The following PKNOX1 variants were observed in gnomAD, a reference collection of about 807,000 sequenced individuals.
The protein encoded by PKNOX1 is PBX/knotted 1 homeobox 1.
Under a neutral mutation model 51.9 loss-of-function variants are expected in PKNOX1, and 15 were observed. The ratio of observed to expected loss-of-function variants is 0.29; its 90% CI spans 0.19 to 0.45. The LOEUF (loss-of-function observed/expected upper bound fraction) is 0.45. PKNOX1 is among the 20% of genes least tolerant of loss of function. The pLI is 1.00. For missense variants in PKNOX1, 462 were observed against 547.5 expected (o/e 0.84, Z 1.56); for synonymous variants, 219 against 211.1 (o/e 1.04, Z -0.32).
chr21:43,013,156 T>C lies in PKNOX1; in HGVS notation c.440T>C (p.Ile147Thr), dbSNP rs746411912. ...TGCAAAGATTTCTGCAGTCGATACA[T>C]TGCTTGTCTGAAAACAAAAATGAAC... ...ELCKDFCSRY[I>T]ACLKTKMNSE... is the part of the protein sequence containing the mutation. Residue 147 changes from isoleucine (I) to threonine (T), a missense_variant, in exon 5 of 11, where the codon ATT becomes ACT. Physicochemically the swap from Ile to Thr is moderately conservative, Grantham distance 89 (BLOSUM62 -1). Transcript: ENST00000291547. 4 of 1,614,042 alleles carry C rather than the reference T, an allele frequency of 2.5e-6. No homozygotes were observed. Among genetic ancestry groups the C allele is most frequent in the South Asian group, 1.1e-5 (1 of 91,074 alleles).
chr21:42,980,895 A>G (rs2059022373), intron 1 of PKNOX1, among the ~76,000 whole-genome samples: 2 of 152,328 alleles, frequency 1.3e-5, no homozygotes, highest in Middle Eastern at 3.4e-3. Context: ...TTTATCATTC[A>G]TGTTCACAAA....
chr21:43,005,538 T>G (rs1978949867), intron 2 of PKNOX1, among the ~76,000 whole-genome samples: 1 of 152,122 alleles, frequency 6.6e-6, no homozygotes, highest in South Asian at 2.1e-4. Flanking sequence ...AATTGACTTT[T>G]TTTTTTTTTT....
Position 43,010,195 on chromosome 21 carries a change from T to G in PKNOX1, c.322T>G (p.Phe108Val). Reference protein sequence around the residue: ...RKQEKEGKPFFCEDPETDNLM... With the variant: ...RKQEKEGKPFVCEDPETDNLM... ...GCAAGAGAAGGAAGGGAAACCTTTC[T>G]TTTGTGAAGATCCAGAAACTGATAA... The change falls in exon 4 of 11, where the codon TTT (phenylalanine) becomes GTT (valine). Residue 108 changes from phenylalanine (F) to valine (V), a missense_variant. Physicochemically the swap from Phe to Val is conservative, Grantham distance 50. Coordinates refer to ENST00000291547, the MANE Select transcript of PKNOX1 (RefSeq NM_004571.5). The G allele has an allele frequency of 6.3e-7, 1 of 1,583,074 alleles. No individual in the cohort carries two copies. Among genetic ancestry groups the G allele is most frequent in the Non-Finnish European group, 8.6e-7 (1 of 1,164,494 alleles).
intron 1 of PKNOX1, among the ~76,000 whole-genome samples, chr21:42,976,787 A>T (rs1304313434): frequency 1.3e-5 from 2 of 152,222 alleles, no homozygotes; most frequent in Non-Finnish European, 2.9e-5. Flanking sequence ...AACTCCTGTT[A>T]ATGTTATTTG....
At position 43,013,122 on chromosome 21, in the gene PKNOX1, A is replaced by G. The variant is rs758647417; in HGVS notation, c.406A>G (p.Asn136Asp). 6 of 1,613,938 alleles carry G rather than the reference A, an allele frequency of 3.7e-6. No individual in the cohort carries two copies. The Admixed American group carries it at 8.3e-5, about 22-fold the overall frequency. Residue 136 changes from asparagine (N) to aspartate (D), a missense_variant, in exon 5 of 11, where the codon AAC becomes GAC. Around this residue, in one of 5 missense-constraint regions of PKNOX1, gnomAD observed 14 missense variants for 39.3 expected, o/e 0.36. Coordinates refer to ENST00000291547, the MANE Select transcript of PKNOX1 (RefSeq NM_004571.5). Reference protein sequence around the residue: ...RIHLLELEKVNELCKDFCSRY... With the variant: ...RIHLLELEKVDELCKDFCSRY... ...TCATCTTCTTGAGCTGGAAAAGGTT[A>G]ACGAACTCTGCAAAGATTTCTGCAG...
intron 2 of PKNOX1, among the ~76,000 whole-genome samples, 199 bp downstream of exon 2, chr21:43,004,631 G>A (rs1411362647): frequency 6.6e-6 from 1 of 152,156 alleles, no homozygotes; most frequent in Non-Finnish European, 1.5e-5. Context: ...AAGATTGCCA[G>A]GAATCTTGAC....
chr21:43,006,326 A>T (rs1978985579), intron 2 of PKNOX1, among the ~76,000 whole-genome samples: 1 of 152,028 alleles, frequency 6.6e-6, no homozygotes, highest in Non-Finnish European at 1.5e-5. Flanking sequence ...GGGTTTCACC[A>T]TGTTGGCCAG....
rs151305922 is a variant in PKNOX1 at position 42,996,749 on chromosome 21, G to A, written c.-56-7577G>A. Reference sequence around the variant, plus strand: ...CAGCTAATTTTTAAAAAAATTTGTTGTAGAGATGGGGTCTCGTTCTGTTGC... The same window carrying A: ...CAGCTAATTTTTAAAAAAATTTGTTATAGAGATGGGGTCTCGTTCTGTTGC... On this transcript the variant is annotated intron_variant, in intron 1 of 10. Transcript: ENST00000291547. 5.4e-3 allele frequency among the ~76,000 whole-genome samples: 828 copies of A among 152,180 alleles called. 8 individuals are homozygous for A. The highest frequency in any genetic ancestry group is 0.019 in the African/African-American group (779 of 41,526).
chr21:43,016,067 G>A (rs2839619), intron 5 of PKNOX1, among the ~76,000 whole-genome samples: 79,754 of 152,018 alleles, frequency 0.52, 20,955 homozygotes, highest in Admixed American at 0.59. Context: ...GGCTTTAAGC[G>A]TAGCCACTAA....
intron 9 of PKNOX1, among the ~76,000 whole-genome samples, chr21:43,025,294 G>A (rs569874420): frequency 1.3e-5 from 2 of 152,188 alleles, no homozygotes; most frequent in South Asian, 2.1e-4. Context: ...CATCCTGCCT[G>A]CCTCTTTAGA....
At position 43,013,246 on chromosome 21, in the gene PKNOX1, C is replaced by T. The variant is rs757512509; in HGVS notation, c.522+8C>T. ...TCACCAGTGCAGTCCCAGGTACTTA[C>T]ATTTGGGGGTCTCGCTTTCCCTCTC... On this transcript the variant is annotated splice_region_variant and intron_variant, in intron 5 of 10. Coordinates refer to ENST00000291547, the MANE Select transcript of PKNOX1 (RefSeq NM_004571.5). The T allele has an allele frequency of 5.1e-6, 8 of 1,560,086 alleles. No homozygotes were observed. In the East Asian group the frequency reaches 1.4e-4, roughly 27 times the overall value.
At chr21:42,996,764 C>T (rs1238610648) in intron 1 of PKNOX1, among the ~76,000 whole-genome samples, 1 of 152,138 alleles carries the variant, frequency 6.6e-6, no homozygotes, top group Admixed American at 6.5e-5. Flanking sequence ...GATGGGGTCT[C>T]GTTCTGTTGC....
chr21:43,004,035 C>T lies in PKNOX1; in HGVS notation c.-56-291C>T, dbSNP rs58254981. ...GGTGGATCTCCTGAGGTCGGGAGTTCGAGACCAGCCTGACCAACATGGAGA... is the reference window on the plus strand; with the variant it reads ...GGTGGATCTCCTGAGGTCGGGAGTTTGAGACCAGCCTGACCAACATGGAGA... On this transcript the variant is annotated intron_variant, in intron 1 of 10. Transcript: ENST00000291547. The T allele has an allele frequency of 3.5e-3, 628 of 177,506 alleles. 5 individuals carry two copies. Among genetic ancestry groups the T allele is most frequent in the African/African-American group, 0.014 (591 of 41,924 alleles). The allele number at this position is 177,506 out of a possible 1,614,324, so 11.0% of individuals were successfully genotyped here.
At chr21:42,986,937 G>A (rs2059054960) in intron 1 of PKNOX1, among the ~76,000 whole-genome samples, 1 of 152,156 alleles carries the variant, frequency 6.6e-6, no homozygotes. Flanking sequence ...GTGGCACTCT[G>A]GGAGTTGGTC....
intron 9 of PKNOX1, among the ~76,000 whole-genome samples, chr21:43,027,164 T>C (rs957208075): frequency 6.6e-6 from 1 of 152,196 alleles, no homozygotes; most frequent in African/African-American, 2.4e-5. Flanking sequence ...GAGCAATGTG[T>C]GACTCTAGCA....
Position 43,021,752 on chromosome 21 carries a change from G to T in PKNOX1, c.849+321G>T, listed in dbSNP as rs1208365561. Reference sequence around the variant, plus strand: ...GGGATGTTCTTGGGCAGCAGCTGGGGAAGTTGCTGTGTTTCTGTGTGTTGG... The same window carrying T: ...GGGATGTTCTTGGGCAGCAGCTGGGTAAGTTGCTGTGTTTCTGTGTGTTGG... On this transcript the variant is annotated intron_variant, in intron 8 of 10. Transcript: ENST00000291547. This position sits in a 1 kb window ranked among gnomAD's most constrained non-coding sequence, Gnocchi z 4.6. 6.6e-6 allele frequency among the ~76,000 whole-genome samples: 1 copy of T among 152,246 alleles called. No homozygotes were observed.
intron 1 of PKNOX1, among the ~76,000 whole-genome samples, chr21:42,990,214 A>G (rs903432201): frequency 6.6e-6 from 1 of 151,808 alleles, no homozygotes; most frequent in Admixed American, 6.6e-5. Context: ...AGCCGAGATC[A>G]CACCACTGCA....
rs1041194876 is a variant in PKNOX1, at chr21:42,994,031, C to G, written c.-56-10295C>G. Among the ~76,000 whole-genome samples the G allele has an allele frequency of 5.4e-5, 5 of 93,268 alleles. No individual in the cohort carries two copies. The East Asian group carries it at 1.6e-3, about 29-fold the overall frequency. The allele number at this position is 93,268 out of a possible 152,430, so 61.2% of individuals were successfully genotyped here. A position where few individuals can be genotyped will look rare whatever the true frequency, so the allele number is the denominator to read the frequency against. On this transcript the variant is annotated intron_variant, in intron 1 of 10. Coordinates refer to ENST00000291547, the MANE Select transcript of PKNOX1 (RefSeq NM_004571.5). The stretch of plus-strand genomic sequence containing the variant: ...ACAGGTGTGAGCCGCCGCGCCCAGC[C>G]TTTTTTTTTTTTTTTTTTTTTTAAG...
chr21:42,981,999 C>T (rs983087243), intron 1 of PKNOX1, among the ~76,000 whole-genome samples: 1 of 152,190 alleles, frequency 6.6e-6, no homozygotes, highest in South Asian at 2.1e-4. Context: ...TAGGTGGTTG[C>T]CCTCCACTGT....
Sources: gnomAD v4.1 joint callset for allele counts (sites outside exome capture counted in the v4.1 genomes callset) on GRCh38, gnomAD v4.1.1 for gene constraint, gnomAD v4.1.1 regional missense constraint, Gnocchi (gnomAD v3.1) non-coding constraint, MANE v1.5 for transcripts, NCBI Gene and HGNC (gene_info 2026-07-23, HGNC 2026-07-21) for gene names.